Variants in FBXO42 observed in about 807,000 individuals in gnomAD.
FBXO42 encodes the protein F-box only protein 42.
Under a neutral mutation model 71.7 loss-of-function variants are expected in FBXO42, and 12 were observed. The observed-to-expected ratio is 0.17, with a 90% CI of 0.11 to 0.27. The LOEUF is 0.27. Among genes scored for constraint, FBXO42 ranks in the 10% least tolerant of loss-of-function variants. The pLI, the probability that FBXO42 is intolerant of heterozygous loss-of-function variation, is 1.00. For missense variants in FBXO42, 707 were observed against 911.9 expected (o/e 0.78, Z 2.89); for synonymous variants, 325 against 327.5 (o/e 0.99, Z 0.08).
intron 1 of FBXO42, among the ~76,000 whole-genome samples, chr1:16,329,281 TG>T (rs1158906828): frequency 1.3e-5 from 2 of 151,566 alleles, no homozygotes; most frequent in East Asian, 3.9e-4. Context: ...AAATTGGTAT[TG>T]GATCAAAACC....
At chr1:16,347,730 C>T (rs1308045042) in intron 1 of FBXO42, among the ~76,000 whole-genome samples, 2 of 152,178 alleles carry the variant, frequency 1.3e-5, no homozygotes, top group Non-Finnish European at 2.9e-5. Context: ...TGGCTCACGC[C>T]TGTAATCCCC....
intron 1 of FBXO42, among the ~76,000 whole-genome samples, chr1:16,326,919 C>G (rs2082457209): frequency 6.6e-6 from 1 of 152,118 alleles, no homozygotes; most frequent in African/African-American, 2.4e-5. Context: ...ATTCAGTTTA[C>G]TATGAACCAT....
chr1:16,251,775 C>T lies in FBXO42; in HGVS notation c.1049G>A (p.Cys350Tyr), dbSNP rs770441496. 1.2e-6 allele frequency: 2 copies of T among 1,612,984 alleles called. No individual in the cohort carries two copies. Among genetic ancestry groups the T allele is most frequent in the South Asian group, 1.1e-5 (1 of 91,012 alleles). ...AGGAGCCTGGCTGAAGACCACCACA[C>T]ACTGTCCCACCTGGAAGACAAAGGA... is the stretch of plus-strand genomic sequence containing the variant. ...WCHPACRVGQCVVVFSQAPSG... is the reference protein window; with the variant it reads ...WCHPACRVGQYVVVFSQAPSG... The change falls in exon 10 of 10, where the codon TGT (cysteine) becomes TAT (tyrosine). Residue 350 changes from cysteine (C) to tyrosine (Y), a missense_variant. Coordinates refer to ENST00000375592, the MANE Select transcript of FBXO42 (RefSeq NM_018994.3). The surrounding 1 kb of genome is among the most constrained non-coding windows in gnomAD (Gnocchi z 4.5).
Position 16,290,444 on chromosome 1 carries a change from C to A in FBXO42, c.502+4339G>T, listed in dbSNP as rs180951093. On this transcript the variant is annotated intron_variant, in intron 4 of 9. Transcript: ENST00000375592. ...CAGTGGCTCATGCCTGTAATCTCAGCACTCTGGGAGGCTGAGGTGGGTGGA... is the reference window on the plus strand; with the variant it reads ...CAGTGGCTCATGCCTGTAATCTCAGAACTCTGGGAGGCTGAGGTGGGTGGA... Among the ~76,000 whole-genome samples the A allele has an allele frequency of 3.3e-5, 5 of 152,270 alleles. No individual in the cohort carries two copies. The East Asian group carries it at 9.6e-4, about 29-fold the overall frequency.
intron 1 of FBXO42, among the ~76,000 whole-genome samples, chr1:16,332,254 G>C (rs1298982660): frequency 6.6e-6 from 1 of 152,020 alleles, no homozygotes; most frequent in African/African-American, 2.4e-5. Context: ...TGAGAGCTTT[G>C]CTTGCACTTA....
intron 4 of FBXO42, among the ~76,000 whole-genome samples, chr1:16,290,258 A>G (rs1431804613): frequency 6.6e-6 from 1 of 152,198 alleles, no homozygotes; most frequent in Non-Finnish European, 1.5e-5. Context: ...ACTGGTATAG[A>G]TGGAATTGTG....
At chr1:16,265,914 C>T (rs988132059) in intron 4 of FBXO42, among the ~76,000 whole-genome samples, 14 of 152,122 alleles carry the variant, frequency 9.2e-5, no homozygotes, top group Admixed American at 8.5e-4. Context: ...AGCCAAATGT[C>T]ACAAGATGAG....
At position 16,261,568 on chromosome 1, in the gene FBXO42, T is replaced by C. The variant is rs114640743; in HGVS notation, c.503-4809A>G. The stretch of plus-strand genomic sequence containing the variant: ...ACTAAGTAGGGGAAAGTTAAATCAA[T>C]TGTATACCCCCACCTCAATTTGTGG... On this transcript the variant is annotated intron_variant, in intron 4 of 9. Transcript: ENST00000375592. Among the ~76,000 whole-genome samples, 1,251 of 152,244 alleles carry C rather than the reference T, an allele frequency of 8.2e-3. 11 individuals are homozygous for C. Among genetic ancestry groups the C allele is most frequent in the African/African-American group, 0.029 (1,188 of 41,522 alleles).
chr1:16,329,210 G>C (rs2082475453), intron 1 of FBXO42, among the ~76,000 whole-genome samples: 1 of 151,132 alleles, frequency 6.6e-6, no homozygotes, highest in Non-Finnish European at 1.5e-5. Context: ...TGTAAAAGGG[G>C]CAAAGGAGGC....
intron 1 of FBXO42, among the ~76,000 whole-genome samples, chr1:16,321,733 C>T (rs1392768914): frequency 6.6e-6 from 1 of 151,740 alleles, no homozygotes; most frequent in African/African-American, 2.4e-5. Context: ...TGCTCTGTCG[C>T]CCAGGCTAGA....
intron 1 of FBXO42, among the ~76,000 whole-genome samples, chr1:16,328,741 C>G (rs2082471393): frequency 6.6e-6 from 1 of 152,094 alleles, no homozygotes. Context: ...ATACCGTTCT[C>G]CAATAAAAGA....
intron 1 of FBXO42, among the ~76,000 whole-genome samples, chr1:16,345,312 A>C (rs2082646151): frequency 6.6e-6 from 1 of 151,874 alleles, no homozygotes; most frequent in Admixed American, 6.6e-5. Flanking sequence ...AATCCCAGCT[A>C]TTTGGGAGGC....
At chr1:16,317,458 G>C (rs917403708) in intron 1 of FBXO42, among the ~76,000 whole-genome samples, 1 of 151,454 alleles carries the variant, frequency 6.6e-6, no homozygotes, top group Non-Finnish European at 1.5e-5. Flanking sequence ...GCCAGGCTTG[G>C]TGATGCATGT....
intron 1 of FBXO42, among the ~76,000 whole-genome samples, chr1:16,326,217 G>A (rs887269877): frequency 8.6e-5 from 13 of 151,184 alleles, no homozygotes; most frequent in African/African-American, 2.4e-4. Context: ...CAGCATGCCC[G>A]GCTAATTTTG....
intron 4 of FBXO42, among the ~76,000 whole-genome samples, chr1:16,284,308 C>T (rs1268357403): frequency 6.6e-6 from 1 of 152,188 alleles, no homozygotes; most frequent in African/African-American, 2.4e-5. Flanking sequence ...TAGAGAACTT[C>T]CACCAGGATC....
intron 3 of FBXO42, among the ~76,000 whole-genome samples, chr1:16,302,323 A>G (rs984071281): frequency 6.6e-6 from 1 of 152,208 alleles, no homozygotes; most frequent in Non-Finnish European, 1.5e-5. Context: ...GTAGTGTATT[A>G]GTCCATTTTC....
intron 7 of FBXO42, 45 bp downstream of exon 7, chr1:16,253,590 A>G: frequency 6.3e-7 from 1 of 1,583,278 alleles, no homozygotes; most frequent in Non-Finnish European, 8.7e-7. Flanking sequence ...CCTAACTGAA[A>G]GACGCTACAG....
chr1:16,276,208 C>T (rs1228287320), intron 4 of FBXO42, among the ~76,000 whole-genome samples: 3 of 151,586 alleles, frequency 2.0e-5, no homozygotes, highest in Admixed American at 6.6e-5. Flanking sequence ...GGTGAAACCC[C>T]GTTCTACTAA....
intron 2 of FBXO42, among the ~76,000 whole-genome samples, chr1:16,313,368 GAA>G (rs749154129): frequency 5.5e-5 from 8 of 146,468 alleles, no homozygotes; most frequent in African/African-American, 7.5e-5. Context: ...AAGAAAGAAA[GAA>G]AGAGAAAAGA....
Sources: gnomAD v4.1 joint callset for allele counts (sites outside exome capture counted in the v4.1 genomes callset) on GRCh38, gnomAD v4.1.1 for gene constraint, Gnocchi (gnomAD v3.1) non-coding constraint, MANE v1.5 for transcripts, NCBI Gene and HGNC (gene_info 2026-07-23, HGNC 2026-07-21) for gene names.